DSG2: variants seen among roughly 807,000 people sequenced by gnomAD.
DSG2 encodes desmoglein 2, also known as desmoglein-2.
A neutral mutation model predicts 75.6 loss-of-function variants in DSG2; 45 were observed. The observed-to-expected ratio is 0.60, with a 90% CI of 0.47 to 0.76. DSG2 has a LOEUF of 0.76. Among genes scored for constraint, DSG2 ranks in the 30% least tolerant of loss-of-function variants. DSG2 has a pLI of 0.00. For missense variants in DSG2, 1,267 were observed against 1,357.4 expected, an observed-to-expected ratio of 0.93 and a Z score of 1.05; for synonymous variants, 429 against 483.9, an observed-to-expected ratio of 0.89 and a Z score of 1.49.
intron 3 of DSG2, 46 bp from the exon 4 acceptor site, chr18:31,520,757 A>C (rs1173381093): frequency 1.3e-6 from 2 of 1,598,270 alleles, no homozygotes; most frequent in Admixed American, 3.3e-5. Flanking sequence ...AATCTAGTAA[A>C]TTACAGAGAG....
At chr18:31,523,112 A>G (rs897045404) in intron 6 of DSG2, among the ~76,000 whole-genome samples, 2 of 152,116 alleles carry the variant, frequency 1.3e-5, no homozygotes, top group African/African-American at 4.8e-5. Context: ...TTTCTTAGAG[A>G]AATGATTGGC....
intron 1 of DSG2, among the ~76,000 whole-genome samples, chr18:31,502,181 A>G (rs894053963): frequency 3.3e-5 from 5 of 152,210 alleles, no homozygotes; most frequent in African/African-American, 1.2e-4. Flanking sequence ...CTCTCTGATT[A>G]TTAGAAATCC....
chr18:31,508,501 C>G (rs908720858), intron 1 of DSG2, among the ~76,000 whole-genome samples: 3 of 152,036 alleles, frequency 2.0e-5, no homozygotes, highest in Non-Finnish European at 4.4e-5. Context: ...TCAAGTGATT[C>G]TTGTGCCTCA....
rs533761591 is a variant in DSG2 at position 31,535,929 on chromosome 18, T to G, written c.1424-273T>G. On this transcript the variant is annotated intron_variant, in intron 10 of 14. Coordinates refer to ENST00000261590, the MANE Select transcript of DSG2 (RefSeq NM_001943.5). ...CAAGACACCATCTTCAAAAAAAAAT[T>G]GAGGGGTAGATAAAATTTAAAAATA... Among the ~76,000 whole-genome samples the G allele has an allele frequency of 1.6e-3, 241 of 152,034 alleles. 2 individuals are homozygous for G. The highest frequency in any genetic ancestry group is 3.5e-3 in the Admixed American group (53 of 15,274).
chr18:31,516,776 G>T (rs1279690250), intron 1 of DSG2, among the ~76,000 whole-genome samples: 1 of 152,226 alleles, frequency 6.6e-6, no homozygotes, highest in Admixed American at 6.5e-5. Context: ...TTCTAGAGTT[G>T]AGAGGAAAAG....
chr18:31,513,503 C>T (rs1207834309), intron 1 of DSG2, among the ~76,000 whole-genome samples: 3 of 152,202 alleles, frequency 2.0e-5, no homozygotes, highest in African/African-American at 7.2e-5. Flanking sequence ...TTTGTCATGC[C>T]AGTCATTCAG....
At position 31,546,038 on chromosome 18, in the gene DSG2, T is replaced by A; in HGVS notation, c.2652T>A (p.Ser884=). The A allele has an allele frequency of 6.2e-7, 1 of 1,614,206 alleles. No homozygotes were observed. The highest frequency in any genetic ancestry group is 8.5e-7 in the Non-Finnish European group (1 of 1,180,048). Residue 884 remains serine, a synonymous_variant, in exon 15 of 15, where the codon TCT becomes TCA. Transcript: ENST00000261590. ...TMVNSENTYS[S]GSSFPVPKSL... is the part of the protein sequence containing the mutation. ...TTAATTCAGAGAATACCTACTCCTC[T>A]GGCAGTAGCTTCCCAGTTCCAAAAT...
chr18:31,504,691 C>T (rs1184127161), intron 1 of DSG2, among the ~76,000 whole-genome samples: 1 of 152,150 alleles, frequency 6.6e-6, no homozygotes, highest in Non-Finnish European at 1.5e-5. Context: ...TCCCCAGTGG[C>T]CAGGCAATCC....
At position 31,547,564 on chromosome 18, in the gene DSG2, CT is replaced by C. The variant is rs1443121380; in HGVS notation, c.*822del. ...TGATGGTGGGCGCCTGTAATCCCAG[CT>C]ACTTGGGAGGCTGAGGCAGGAGAAT... is the stretch of plus-strand genomic sequence containing the variant. On this transcript the variant is annotated 3_prime_UTR_variant, in exon 15 of 15. Transcript: ENST00000261590. 6.6e-6 allele frequency: 1 copy of C among 151,828 alleles called. No individual in the cohort carries two copies. The highest frequency in any genetic ancestry group is 6.6e-5 in the Admixed American group (1 of 15,238). The allele number at this position is 151,828 out of a possible 1,614,324, so 9.4% of individuals were successfully genotyped here.
intron 1 of DSG2, among the ~76,000 whole-genome samples, chr18:31,516,528 T>C (rs2073095338): frequency 6.6e-6 from 1 of 152,214 alleles, no homozygotes; most frequent in Non-Finnish European, 1.5e-5. Context: ...ATATAATTTA[T>C]AGTGTGAGCA....
chr18:31,522,157 A>G lies in DSG2; in HGVS notation c.598A>G (p.Ile200Val). Residue 200 changes from isoleucine to valine, a missense_variant, in exon 6 of 15, where the codon ATC becomes GTC. By Grantham distance (29) the Ile-to-Val change is conservative. Coordinates refer to ENST00000261590, the MANE Select transcript of DSG2 (RefSeq NM_001943.5). ...CCTGAATTCGAAAATTTCCTATAGAATCGTATCTCTGGAGCCTGCTTATCC... is the reference window on the plus strand; with the variant it reads ...CCTGAATTCGAAAATTTCCTATAGAGTCGTATCTCTGGAGCCTGCTTATCC... Reference protein sequence around the residue: ...NTLNSKISYRIVSLEPAYPPV... With the variant: ...NTLNSKISYRVVSLEPAYPPV... 1 of 1,613,882 alleles carries G rather than the reference A, an allele frequency of 6.2e-7. No homozygotes were observed. The highest frequency in any genetic ancestry group is 1.3e-5 in the African/African-American group (1 of 75,042).
In DSG2 at chr18:31,520,818, G is replaced by C; in HGVS notation, c.232G>C (p.Ala78Pro). 1 of 1,613,558 alleles carries C rather than the reference G, an allele frequency of 6.2e-7. No individual in the cohort carries two copies. The highest frequency in any genetic ancestry group is 8.5e-7 in the Non-Finnish European group (1 of 1,179,728). Residue 78 changes from alanine to proline, a missense_variant, in exon 4 of 15, where the codon GCA becomes CCA. Ala to Pro is a conservative substitution (Grantham distance 27). Coordinates refer to ENST00000261590, the MANE Select transcript of DSG2 (RefSeq NM_001943.5). ...NPIAKIHSDL[A>P]EERGLKITYK... ...TTTATGTTAGATACATTCTGATCTTGCAGAAGAAAGAGGACTCAAAATTAC... is the reference window on the plus strand; with the variant it reads ...TTTATGTTAGATACATTCTGATCTTCCAGAAGAAAGAGGACTCAAAATTAC...
At chr18:31,519,973 T>G (rs1030555720) in intron 3 of DSG2, 36 bp downstream of exon 3, 10 of 1,613,830 alleles carry the variant, frequency 6.2e-6, no homozygotes, top group Non-Finnish European at 7.6e-6. Flanking sequence ...TACATGCATA[T>G]GACTAAAATG....
chr18:31,533,277 T>G (rs1250303329), intron 9 of DSG2, among the ~76,000 whole-genome samples: 1 of 152,134 alleles, frequency 6.6e-6, no homozygotes, highest in Non-Finnish European at 1.5e-5. Flanking sequence ...AAGACCAACC[T>G]GGGCAACACA....
chr18:31,534,658 G>A (rs4470222), intron 9 of DSG2, among the ~76,000 whole-genome samples: 35,690 of 151,580 alleles, frequency 0.24, 4,688 homozygotes, highest in East Asian at 0.46. Flanking sequence ...TTACAGGCAC[G>A]TGCCACCATG....
intron 1 of DSG2, 121 bp from the exon 2 acceptor site, chr18:31,518,118 T>C: frequency 1.3e-6 from 1 of 764,430 alleles, no homozygotes; most frequent in East Asian, 2.7e-5. Context: ...CAAAGAATAG[T>C]AGTAGTGGTT....
At chr18:31,508,560 A>C (rs1013177169) in intron 1 of DSG2, among the ~76,000 whole-genome samples, 1 of 151,628 alleles carries the variant, frequency 6.6e-6, no homozygotes, top group Non-Finnish European at 1.5e-5. Flanking sequence ...CACCTGGCTA[A>C]TTTTTGTATT....
In DSG2 at chr18:31,546,090, G is replaced by A; in HGVS notation, c.2704G>A (p.Val902Ile). 6.2e-7 allele frequency: 1 copy of A among 1,614,182 alleles called. No individual in the cohort carries two copies. The highest frequency in any genetic ancestry group is 8.5e-7 in the Non-Finnish European group (1 of 1,180,044). ...TTTGCAAGAAGCCAATGCAGAGAAA[G>A]TAACTCAGGAAATAGTCACTGAAAG... ...KSLQEANAEK[V>I]TQEIVTERSV... is the part of the protein sequence containing the mutation. The change falls in exon 15 of 15, where the codon GTA (valine) becomes ATA (isoleucine). Residue 902 changes from valine (V) to isoleucine (I), a missense_variant. Transcript: ENST00000261590.
intron 6 of DSG2, 79 bp downstream of exon 6, chr18:31,522,328 T>A (rs1240245236): frequency 7.1e-7 from 1 of 1,412,170 alleles, no homozygotes; most frequent in Non-Finnish European, 9.9e-7. Context: ...TTTCTAATTT[T>A]CTTATTTTGT....
Sources: allele counts gnomAD v4.1 joint callset (sites outside exome capture counted in the v4.1 genomes callset), GRCh38; gene constraint gnomAD v4.1.1; transcripts MANE v1.5; gene names NCBI Gene and HGNC (gene_info 2026-07-23, HGNC 2026-07-21).